Variants in KIF1A observed in about 807,000 individuals in gnomAD.
KIF1A encodes the protein kinesin family member 1A, also known as kinesin-like protein KIF1A.
Under a neutral mutation model 227.3 loss-of-function variants are expected in KIF1A, and 46 were observed. The ratio of observed to expected loss-of-function variants is 0.20; its 90% CI spans 0.16 to 0.26. The LOEUF (loss-of-function observed/expected upper bound fraction) is 0.26, where lower values mean the gene tolerates loss of function less well. Ranked by LOEUF, KIF1A falls within the 10% of genes least tolerant of loss-of-function variation. KIF1A has a pLI of 1.00. For synonymous variants in KIF1A, 1,022 were observed against 1,012.8 expected, an observed-to-expected ratio of 1.01 and a Z score of -0.17; for missense variants, 1,683 against 2,485.9, an observed-to-expected ratio of 0.68 and a Z score of 6.87.
At chr2:240,802,088 G>C (rs567412157) in intron 1 of KIF1A, among the ~76,000 whole-genome samples, 100 of 124,348 alleles carry the variant, frequency 8.0e-4, no homozygotes, top group African/African-American at 2.9e-3. Flanking sequence ...AAAGCTTAAA[G>C]TCAGCCAGAA....
Position 240,786,300 on chromosome 2 carries a change from G to A in KIF1A, c.608+35C>T, listed in dbSNP as rs13405424. On this transcript the variant is annotated intron_variant, in intron 6 of 48. Transcript: ENST00000498729. ...CCTCCGGGGAGAGGCGGCAGGACAG[G>A]AGGGCAGGGAGGTCCAGTGAGTCCC... The A allele has an allele frequency of 7.3e-3, 11,690 of 1,600,708 alleles. 641 individuals are homozygous for A. In the African/African-American group the frequency reaches 0.13, roughly 17 times the overall value.
At position 240,717,401 on chromosome 2, in the gene KIF1A, T is replaced by C. The variant is rs748416328; in HGVS notation, c.5339A>G (p.Lys1780Arg). ...NPLLAGTIRS[K>R]LSRRRSAQMR... ...CTGGGCAGACCTCCTTCTGGAGAGC[T>C]TGGACCTGCAGAAGAGTTGGGAGAG... Residue 1780 changes from lysine to arginine, a missense_variant, in exon 49 of 49, where the codon AAG becomes AGG. Coordinates refer to ENST00000498729, the MANE Select transcript of KIF1A (RefSeq NM_001244008.2). 3 of 1,611,374 alleles carry C rather than the reference T, an allele frequency of 1.9e-6. No homozygotes were observed. The highest frequency in any genetic ancestry group is 2.7e-5 in the African/African-American group (2 of 74,910).
chr2:240,764,833 T>G (rs565450197), intron 20 of KIF1A, among the ~76,000 whole-genome samples: 29 of 152,178 alleles, frequency 1.9e-4, no homozygotes, highest in African/African-American at 6.7e-4. Context: ...AAGAGCAAAC[T>G]GGGGCTTCCT....
rs1000170482 is a variant in KIF1A, at chr2:240,736,417, C to T, written c.4007+646G>A. On this transcript the variant is annotated intron_variant, in intron 38 of 48. Coordinates refer to ENST00000498729, the MANE Select transcript of KIF1A (RefSeq NM_001244008.2). The surrounding 1 kb of genome is among the most constrained non-coding windows in gnomAD (Gnocchi z 4.7). ...GGGACGTCCCCACCCACCAGGGCTGCCCCTGGCAGTGCTGAGCCACCTGCC... is the reference window on the plus strand; with the variant it reads ...GGGACGTCCCCACCCACCAGGGCTGTCCCTGGCAGTGCTGAGCCACCTGCC... Among the ~76,000 whole-genome samples the T allele has an allele frequency of 6.6e-6, 1 of 152,170 alleles. No homozygotes were observed. Among genetic ancestry groups the T allele is most frequent in the Non-Finnish European group, 1.5e-5 (1 of 68,018 alleles).
intron 1 of KIF1A, among the ~76,000 whole-genome samples, chr2:240,805,068 AGGGC>A (rs2057281681): frequency 2.8e-5 from 1 of 35,786 alleles, no homozygotes; most frequent in African/African-American, 1.8e-4. Context: ...GGGGAGGGAG[AGGGC>A]AGGGAGAGGG....
Position 240,757,112 on chromosome 2 carries a change from G to T in KIF1A, c.2858+207C>A, listed in dbSNP as rs192203997. Among the ~76,000 whole-genome samples, 1 of 152,218 alleles carries T rather than the reference G, an allele frequency of 6.6e-6. No individual in the cohort carries two copies. The highest frequency in any genetic ancestry group is 2.4e-5 in the African/African-American group (1 of 41,458). ...TCTTCCCTGCCGGCCCAAAGCGACC[G>T]TCTCCAGGATGGGTGAGCAGCCCCA... On this transcript the variant is annotated intron_variant, in intron 27 of 48. Coordinates refer to ENST00000498729, the MANE Select transcript of KIF1A (RefSeq NM_001244008.2). The surrounding 1 kb of genome is among the most constrained non-coding windows in gnomAD (Gnocchi z 6.2).
intron 10 of KIF1A, among the ~76,000 whole-genome samples, chr2:240,779,032 T>C (rs749721091): frequency 1.3e-5 from 2 of 152,018 alleles, no homozygotes; most frequent in Non-Finnish European, 2.9e-5. Flanking sequence ...CCACACTCAG[T>C]TCCACACTCA....
intron 10 of KIF1A, 23 bp downstream of exon 10, chr2:240,782,567 C>A: frequency 6.4e-7 from 1 of 1,551,402 alleles, no homozygotes; most frequent in Non-Finnish European, 8.7e-7. Flanking sequence ...GCACCTGCCC[C>A]GGGGCTGAAG....
In KIF1A at chr2:240,751,573, C is replaced by T. The variant is rs2049211216; in HGVS notation, c.2859-1026G>A. On this transcript the variant is annotated intron_variant, in intron 27 of 48. Transcript: ENST00000498729. ...GGCCCCTCCTACTCATCAAATCCATCAGTTCCACCTCAAAAGTCTTCAAGA... is the reference window on the plus strand; with the variant it reads ...GGCCCCTCCTACTCATCAAATCCATTAGTTCCACCTCAAAAGTCTTCAAGA... Among the ~76,000 whole-genome samples, 3 of 152,164 alleles carry T rather than the reference C, an allele frequency of 2.0e-5. No homozygotes were observed. The South Asian group carries it at 6.2e-4, about 32-fold the overall frequency.
At chr2:240,732,147 T>TGAGGGGG (rs2046754446) in intron 38 of KIF1A, among the ~76,000 whole-genome samples, 3 of 5,184 alleles carry the variant, frequency 5.8e-4, no homozygotes, top group Admixed American at 1.9e-3. Context: ...GGATGAGGGA[T>TGAGGGGG]TGGGGAGGAG....
At chr2:240,786,577 G>GA in intron 5 of KIF1A, 64 bp from the exon 6 acceptor site, 1 of 1,511,502 alleles carries the variant, frequency 6.6e-7, no homozygotes, top group Non-Finnish European at 9.1e-7. Flanking sequence ...CCACTGGGGG[G>GA]ACCCCTGAGT....
At chr2:240,787,111 T>A (rs938705323) in intron 5 of KIF1A, 140 bp downstream of exon 5, 2 of 708,720 alleles carry the variant, frequency 2.8e-6, no homozygotes, top group Non-Finnish European at 5.0e-6. Flanking sequence ...CCCGCCGTCT[T>A]GCCTGCCACT....
Position 240,726,808 on chromosome 2 carries a change from CTGGCATAGGTGCCT to C in KIF1A, c.4122+4_4122+17del. The stretch of plus-strand genomic sequence containing the variant: ...GGCTGAGTGGTTTTGGTGGAGTGCC[CTGGCATAGGTGCCT>C]TGCCTCGATATAAGCGGAGAGTGTC... On this transcript the variant is annotated splice_donor_5th_base_variant and intron_variant, in intron 39 of 48. Transcript: ENST00000498729. The surrounding 1 kb of genome is among the most constrained non-coding windows in gnomAD (Gnocchi z 5.2). 1 of 1,519,280 alleles carries C rather than the reference CTGGCATAGGTGCCT, an allele frequency of 6.6e-7. No homozygotes were observed. Among genetic ancestry groups the C allele is most frequent in the Non-Finnish European group, 9.1e-7 (1 of 1,100,470 alleles). The allele number at this position is 1,519,280 out of a possible 1,614,324, so 94.1% of individuals were successfully genotyped here.
At chr2:240,751,556 C>T (rs2049209257) in intron 27 of KIF1A, among the ~76,000 whole-genome samples, 1 of 152,120 alleles carries the variant, frequency 6.6e-6, no homozygotes, top group African/African-American at 2.4e-5. Context: ...GGGGCCCCTC[C>T]TACTCATCAA....
At chr2:240,749,347 T>C (rs1482564193) in intron 28 of KIF1A, among the ~76,000 whole-genome samples, 3 of 152,044 alleles carry the variant, frequency 2.0e-5, no homozygotes, top group East Asian at 1.9e-4. Flanking sequence ...GGGAGGGGTA[T>C]GGCCATCTCA....
Position 240,758,279 on chromosome 2 carries a change from A to G in KIF1A, c.2582+81T>C. On this transcript the variant is annotated intron_variant, in intron 26 of 48. Transcript: ENST00000498729. The surrounding 1 kb of genome is among the most constrained non-coding windows in gnomAD (Gnocchi z 5.2). ...ACTTGTCAGGGCCGCTCCTTGTATC[A>G]GGCCAGGGCCCACTCCTACCCCCAC... 6.8e-7 allele frequency: 1 copy of G among 1,468,834 alleles called. No individual in the cohort carries two copies. Among genetic ancestry groups the G allele is most frequent in the Non-Finnish European group, 9.1e-7 (1 of 1,093,484 alleles). 91.0% of individuals were successfully genotyped at this position (1,468,834 alleles called of 1,614,324 possible).
chr2:240,765,874 G>A, intron 19 of KIF1A, 81 bp from the exon 20 acceptor site: 2 of 979,030 alleles, frequency 2.0e-6, no homozygotes, highest in Middle Eastern at 2.1e-4. Context: ...TGGCCCCCGG[G>A]CATGGCCTCT....
chr2:240,732,644 G>A (rs1408878350), intron 38 of KIF1A, among the ~76,000 whole-genome samples: 2 of 119,726 alleles, frequency 1.7e-5, no homozygotes, highest in Non-Finnish European at 3.5e-5. Flanking sequence ...AGGGAATGAG[G>A]GGAGGAGCTA....
Position 240,779,691 on chromosome 2 carries a change from CTTCCTCACTCAGTTCCTCACAG to C in KIF1A, c.882+2877_882+2898del, listed in dbSNP as rs1382882978. 8.1e-3 allele frequency among the ~76,000 whole-genome samples: 1,219 copies of C among 150,980 alleles called. 18 individuals are homozygous for C. Among genetic ancestry groups the C allele is most frequent in the African/African-American group, 0.028 (1,172 of 41,152 alleles). On this transcript the variant is annotated intron_variant, in intron 10 of 48. Coordinates refer to ENST00000498729, the MANE Select transcript of KIF1A (RefSeq NM_001244008.2). ...TCAGTTCCTCACAGTTCCACACTCA[CTTCCTCACTCAGTTCCTCACAG>C]TTCCTCACTCAGTTCCTCACAGTTC...
Sources: gnomAD v4.1 joint callset for allele counts (sites outside exome capture counted in the v4.1 genomes callset) on GRCh38, gnomAD v4.1.1 for gene constraint, Gnocchi (gnomAD v3.1) non-coding constraint, MANE v1.5 for transcripts, NCBI Gene and HGNC (gene_info 2026-07-23, HGNC 2026-07-21) for gene names.